The following RIMS2 variants were observed in gnomAD, a reference collection of about 807,000 sequenced individuals.
The protein encoded by RIMS2 is regulating synaptic membrane exocytosis 2.
In RIMS2, 59 loss-of-function variants were observed where a neutral mutation model predicts 174.4. That is an observed-to-expected ratio of 0.34 (90% CI 0.27 to 0.42). The LOEUF (loss-of-function observed/expected upper bound fraction) is 0.42, where lower values mean the gene tolerates loss of function less well. RIMS2 is among the 10% of genes least tolerant of loss of function. The pLI is 1.00. For synonymous variants in RIMS2, 606 were observed against 572.5 expected, an observed-to-expected ratio of 1.06 and a Z score of -0.84; for missense variants, 1,620 against 1,666.3, an observed-to-expected ratio of 0.97 and a Z score of 0.48.
At chr8:104,132,729 G>A (rs537810172) in intron 19 of RIMS2, among the ~76,000 whole-genome samples, 1 of 152,298 alleles carries the variant, frequency 6.6e-6, no homozygotes, top group South Asian at 2.1e-4. Context: ...TTACAGGTCT[G>A]AAAGAATTGA....
At chr8:103,782,252 C>T (rs548980218) in intron 3 of RIMS2, among the ~76,000 whole-genome samples, 1 of 151,252 alleles carries the variant, frequency 6.6e-6, no homozygotes, top group African/African-American at 2.4e-5. Flanking sequence ...TATTGTATTT[C>T]CTTATCTTTC....
At position 103,936,532 on chromosome 8, in the gene RIMS2, T is replaced by G. The variant is rs769306982; in HGVS notation, c.2376-19T>G. 3 of 1,487,388 alleles carry G rather than the reference T, an allele frequency of 2.0e-6. No homozygotes were observed. The South Asian group carries it at 3.9e-5, about 19-fold the overall frequency. The allele number at this position is 1,487,388 out of a possible 1,614,324, so 92.1% of individuals were successfully genotyped here. A position where few individuals can be genotyped will look rare whatever the true frequency, so the allele number is the denominator to read the frequency against. ...TTATAGTTCTATGTAAGTTCATAAT[T>G]CATTGTTTTTTTCCATAGTGATAAA... On this transcript the variant is annotated intron_variant, in intron 12 of 23. Transcript: ENST00000504942.
chr8:103,839,741 A>T (rs1288789665), intron 3 of RIMS2, among the ~76,000 whole-genome samples: 2 of 152,186 alleles, frequency 1.3e-5, no homozygotes, highest in East Asian at 1.9e-4. Context: ...GAGCTTATTC[A>T]CTTAGCTCTC....
chr8:103,989,382 A>T, exon 17 of RIMS2: 4 of 1,612,356 alleles, frequency 2.5e-6, no homozygotes, highest in Non-Finnish European at 3.4e-6. Flanking sequence ...ATGGACAGAC[A>T]TCGTGTCATG....
At chr8:103,838,915 A>G (rs1259736408) in intron 3 of RIMS2, among the ~76,000 whole-genome samples, 2 of 152,114 alleles carry the variant, frequency 1.3e-5, no homozygotes, top group Non-Finnish European at 2.9e-5. Flanking sequence ...AATACAAAAA[A>G]TTAGCCGGGC....
intron 19 of RIMS2, among the ~76,000 whole-genome samples, chr8:104,203,530 G>T (rs1411232052): frequency 8.3e-6 from 1 of 120,796 alleles, no homozygotes; most frequent in Admixed American, 1.0e-4. Flanking sequence ...GTGAGATGGA[G>T]CCTCGCTCTG....
intron 2 of RIMS2, among the ~76,000 whole-genome samples, chr8:103,743,246 A>G (rs1176324793): frequency 1.3e-5 from 2 of 152,222 alleles, no homozygotes; most frequent in Admixed American, 6.5e-5. Flanking sequence ...TGTATATAAC[A>G]GGAATCAGCC....
chr8:103,794,419 T>C (rs1432903544), intron 3 of RIMS2, among the ~76,000 whole-genome samples: 2 of 152,300 alleles, frequency 1.3e-5, no homozygotes, highest in South Asian at 2.1e-4. Context: ...TTACAACTTA[T>C]ACAAAAATTA....
intron 2 of RIMS2, among the ~76,000 whole-genome samples, chr8:103,764,000 G>A (rs74489979): frequency 0.15 from 22,844 of 152,116 alleles, 1,792 homozygotes; most frequent in Middle Eastern, 0.24. Context: ...AGGGTTTGGG[G>A]AAAAAATATT....
chr8:103,964,177 C>T (rs562634734), intron 15 of RIMS2, among the ~76,000 whole-genome samples: 42 of 152,288 alleles, frequency 2.8e-4, no homozygotes, highest in Admixed American at 2.4e-3. Flanking sequence ...AACTCCTTTT[C>T]GCAAACGCCA....
intron 1 of RIMS2, among the ~76,000 whole-genome samples, chr8:103,677,254 TAA>T (rs148777707): frequency 0.13 from 18,887 of 148,778 alleles, 1,275 homozygotes; most frequent in Middle Eastern, 0.23. Flanking sequence ...CTTAAGTGTG[TAA>T]AAAAAAAAGA....
intron 19 of RIMS2, among the ~76,000 whole-genome samples, chr8:104,081,891 G>C (rs2097426822): frequency 6.6e-6 from 1 of 151,788 alleles, no homozygotes; most frequent in Admixed American, 6.6e-5. Context: ...CTGTTCTCTT[G>C]AACAAAAAAC....
At chr8:103,999,548 A>T (rs753060127) in intron 17 of RIMS2, among the ~76,000 whole-genome samples, 13 of 151,740 alleles carry the variant, frequency 8.6e-5, no homozygotes, top group African/African-American at 1.2e-4. Context: ...CCTTACAAAA[A>T]TATGGAAAAG....
chr8:103,564,409 G>A (rs1297595922), intron 1 of RIMS2, among the ~76,000 whole-genome samples: 1 of 152,112 alleles, frequency 6.6e-6, no homozygotes, highest in African/African-American at 2.4e-5. Flanking sequence ...AGTTTATTAA[G>A]GAGTATTGAC....
chr8:103,562,719 G>A (rs962590057), intron 1 of RIMS2, among the ~76,000 whole-genome samples: 8 of 152,160 alleles, frequency 5.3e-5, no homozygotes, highest in Admixed American at 2.6e-4. Flanking sequence ...TGGAGACTCC[G>A]ACCCCACATT....
chr8:103,955,045 C>G (rs2086699081), intron 14 of RIMS2, among the ~76,000 whole-genome samples: 1 of 152,026 alleles, frequency 6.6e-6, no homozygotes, highest in African/African-American at 2.4e-5. Context: ...CCAAGACTAA[C>G]CTAGAAGAAG....
chr8:103,960,986 G>T, intron 14 of RIMS2, 79 bp from the exon 17 acceptor site: 1 of 785,606 alleles, frequency 1.3e-6, no homozygotes, highest in Non-Finnish European at 2.3e-6. Context: ...GAATATTTTC[G>T]TTTGTTTTTC....
In RIMS2 at chr8:103,988,393, T is replaced by A. The variant is rs114598187; in HGVS notation, c.2928-912T>A. Among the ~76,000 whole-genome samples the A allele has an allele frequency of 5.3e-3, 810 of 152,298 alleles. 9 individuals carry two copies. The highest frequency in any genetic ancestry group is 0.018 in the African/African-American group (755 of 41,558). On this transcript the variant is annotated intron_variant, in intron 16 of 23. Transcript: ENST00000504942. ...ACAATATGACATGCCATGTCTTAAT[T>A]GTGTTTTAAAGGGCTGTTGCGTGTC...
At chr8:103,994,433 T>G (rs938164652) in intron 17 of RIMS2, among the ~76,000 whole-genome samples, 1 of 152,180 alleles carries the variant, frequency 6.6e-6, no homozygotes, top group Non-Finnish European at 1.5e-5. Context: ...TCTTTTACAG[T>G]GATTTACTGC....
Sources: allele counts gnomAD v4.1 joint callset (sites outside exome capture counted in the v4.1 genomes callset), GRCh38; gene constraint gnomAD v4.1.1; transcripts MANE v1.5; gene names NCBI Gene and HGNC (gene_info 2026-07-23, HGNC 2026-07-21).